Variants in ALK observed in about 807,000 individuals in gnomAD.
The protein encoded by ALK is ALK receptor tyrosine kinase, also known as ALK tyrosine kinase receptor.
A neutral mutation model predicts 163.1 loss-of-function variants in ALK; 74 were observed. The observed-to-expected ratio is 0.45, with a 90% confidence interval of 0.38 to 0.55. The LOEUF is 0.55. Ranked by LOEUF, ALK falls within the 20% of genes least tolerant of loss-of-function variation. The pLI, the probability that ALK is intolerant of heterozygous loss-of-function variation, is 0.00. For missense variants in ALK, 2,063 were observed against 2,105.3 expected (o/e 0.98, Z 0.39); for synonymous variants, 960 against 843.2 (o/e 1.14, Z -2.40).
intron 4 of ALK, among the ~76,000 whole-genome samples, chr2:29,470,696 T>G (rs1419950875): frequency 6.6e-6 from 1 of 152,116 alleles, no homozygotes; most frequent in Non-Finnish European, 1.5e-5. Context: ...TTTTTTTTTT[T>G]TTTTGCCAGC....
intron 4 of ALK, among the ~76,000 whole-genome samples, chr2:29,508,733 C>CAAAAAAA (rs60719550): frequency 8.6e-4 from 56 of 65,494 alleles, no homozygotes; most frequent in East Asian, 1.6e-3. Flanking sequence ...ATCTGCAACT[C>CAAAAAAA]AAAAAAAAAA....
chr2:29,905,205 T>C (rs1257716220), intron 1 of ALK, among the ~76,000 whole-genome samples: 2 of 152,254 alleles, frequency 1.3e-5, no homozygotes, highest in Admixed American at 1.3e-4. Flanking sequence ...TACTCTATTC[T>C]GATTTTTCAC....
At chr2:29,654,223 G>T (rs1009944336) in intron 3 of ALK, among the ~76,000 whole-genome samples, 2 of 152,140 alleles carry the variant, frequency 1.3e-5, no homozygotes, top group African/African-American at 2.4e-5. Context: ...TGGCCAAAAG[G>T]ATGAAACAGA....
At chr2:29,628,842 T>C (rs1676274468) in intron 3 of ALK, among the ~76,000 whole-genome samples, 2 of 152,116 alleles carry the variant, frequency 1.3e-5, no homozygotes, top group African/African-American at 2.4e-5. Flanking sequence ...GGAGAGAGCA[T>C]AATAAAACAT....
chr2:29,346,763 G>A (rs547815125), intron 5 of ALK, among the ~76,000 whole-genome samples: 91 of 152,304 alleles, frequency 6.0e-4, no homozygotes, highest in African/African-American at 1.9e-3. Flanking sequence ...TATTCACTGC[G>A]TCCATTTCAC....
At chr2:29,386,311 G>GCT (rs1669030341) in intron 4 of ALK, among the ~76,000 whole-genome samples, 1 of 152,194 alleles carries the variant, frequency 6.6e-6, no homozygotes, top group South Asian at 2.1e-4. Flanking sequence ...TTTGTTCTCT[G>GCT]TTACCGTACC....
rs554072075 is a variant in ALK, at chr2:29,339,874, C to T, written c.1283-11393G>A. Among the ~76,000 whole-genome samples, 21 of 152,274 alleles carry T rather than the reference C, an allele frequency of 1.4e-4. No homozygotes were observed. The South Asian group carries it at 2.1e-3, about 15-fold the overall frequency. On this transcript the variant is annotated intron_variant, in intron 5 of 28. Transcript: ENST00000389048. The stretch of plus-strand genomic sequence containing the variant: ...CAAATCCTAGGACAAAGTCAGTCTC[C>T]GTATAGATTTACTGAGAACCGCCAA...
At chr2:29,559,885 T>C (rs1673974167) in intron 3 of ALK, among the ~76,000 whole-genome samples, 1 of 152,014 alleles carries the variant, frequency 6.6e-6, no homozygotes. Flanking sequence ...CTCTGTGCCA[T>C]AGTGACCTCA....
chr2:29,206,193 TC>T (rs149947777), intron 26 of ALK, among the ~76,000 whole-genome samples: 2,338 of 151,468 alleles, frequency 0.015, 69 homozygotes, highest in African/African-American at 0.054. Context: ...TCTTCCTCCC[TC>T]CCTCCCTTTC....
intron 3 of ALK, among the ~76,000 whole-genome samples, chr2:29,619,912 T>C (rs1246462940): frequency 6.6e-6 from 1 of 152,096 alleles, no homozygotes; most frequent in Non-Finnish European, 1.5e-5. Context: ...CAGGTGCCCA[T>C]ACCCACAGTG....
chr2:29,559,800 T>TGTGTGTGTGG (rs1164069135), intron 3 of ALK, among the ~76,000 whole-genome samples: 1 of 149,446 alleles, frequency 6.7e-6, no homozygotes, highest in Non-Finnish European at 1.5e-5. Context: ...TGTGTGTGTG[T>TGTGTGTGTGG]GTATTAGTTC....
chr2:29,388,139 T>C (rs1362811380), intron 4 of ALK, among the ~76,000 whole-genome samples: 1 of 152,148 alleles, frequency 6.6e-6, no homozygotes, highest in Non-Finnish European at 1.5e-5. Flanking sequence ...CCTACCAGCT[T>C]AGCTCTATAT....
intron 4 of ALK, among the ~76,000 whole-genome samples, chr2:29,439,524 G>A (rs1488190788): frequency 6.6e-6 from 1 of 152,060 alleles, no homozygotes; most frequent in African/African-American, 2.4e-5. Flanking sequence ...CTCCTACTCA[G>A]GTTCTATAAT....
chr2:29,544,867 C>T (rs181060109), intron 3 of ALK, among the ~76,000 whole-genome samples: 57 of 152,190 alleles, frequency 3.7e-4, no homozygotes, highest in African/African-American at 1.4e-3. Context: ...GTAGCTTAAT[C>T]GCTTGTTGTA....
At chr2:29,296,087 A>AT (rs1666168896) in intron 9 of ALK, among the ~76,000 whole-genome samples, 2 of 151,918 alleles carry the variant, frequency 1.3e-5, no homozygotes, top group African/African-American at 2.4e-5. Flanking sequence ...GGCAGTGAAC[A>AT]CTCCATGGTT....
intron 4 of ALK, among the ~76,000 whole-genome samples, chr2:29,394,902 T>C (rs181664999): frequency 5.9e-5 from 9 of 151,724 alleles, no homozygotes; most frequent in African/African-American, 1.9e-4. Context: ...ATCATCCCCA[T>C]GGAGAAGGAT....
intron 1 of ALK, among the ~76,000 whole-genome samples, chr2:29,781,572 C>A (rs577580663): frequency 6.6e-6 from 1 of 152,182 alleles, no homozygotes; most frequent in Non-Finnish European, 1.5e-5. Flanking sequence ...GCGAAGCAAA[C>A]AAAGAATCTG....
intron 1 of ALK, among the ~76,000 whole-genome samples, chr2:29,794,752 G>T (rs747736771): frequency 6.6e-6 from 1 of 152,148 alleles, no homozygotes; most frequent in Non-Finnish European, 1.5e-5. Context: ...CCTTATAGGG[G>T]CATGGTTTGT....
At chr2:29,579,201 G>A (rs1190124348) in intron 3 of ALK, among the ~76,000 whole-genome samples, 4 of 152,210 alleles carry the variant, frequency 2.6e-5, no homozygotes, top group African/African-American at 7.2e-5. Flanking sequence ...CCAATTTGCC[G>A]TGTGACCTTG....
Sources: allele counts gnomAD v4.1 joint callset (sites outside exome capture counted in the v4.1 genomes callset), GRCh38; gene constraint gnomAD v4.1.1; transcripts MANE v1.5; gene names NCBI Gene and HGNC (gene_info 2026-07-23, HGNC 2026-07-21).